The following SLC12A9 variants were observed in gnomAD, a reference collection of about 807,000 sequenced individuals.
SLC12A9 encodes solute carrier family 12 member 9, also known as CCC-interacting protein 1.
In SLC12A9, 55 loss-of-function variants were observed where a neutral mutation model predicts 66.0. That is an observed-to-expected ratio of 0.83 (90% CI 0.67 to 1.04). The LOEUF (loss-of-function observed/expected upper bound fraction) is 1.04, where lower values mean the gene tolerates loss of function less well. Ranked by LOEUF, SLC12A9 falls within the 50% of genes least tolerant of loss-of-function variation. The pLI is 0.00. For synonymous variants in SLC12A9, 577 were observed against 569.0 expected (o/e 1.01, Z -0.20); for missense variants, 1,061 against 1,241.9 (o/e 0.85, Z 2.19).
intron 13 of SLC12A9, chr7:100,865,304 C>A: frequency 6.5e-7 from 1 of 1,535,820 alleles, no homozygotes; most frequent in Non-Finnish European, 8.7e-7. Flanking sequence ...GACGCTATTA[C>A]CCTGGGGATT....
rs777752368 is a variant in SLC12A9, at chr7:100,861,869, G to T, written c.1669G>T (p.Gly557Trp). 2.2e-5 allele frequency: 35 copies of T among 1,613,308 alleles called. No homozygotes were observed. Among genetic ancestry groups the T allele is most frequent in the East Asian group, 4.5e-5 (2 of 44,882 alleles). The change falls in exon 12 of 14, where the codon GGG (glycine) becomes TGG (tryptophan). Residue 557 changes from glycine to tryptophan, a missense_variant. Coordinates refer to ENST00000354161, the MANE Select transcript of SLC12A9 (RefSeq NM_020246.4). The surrounding 1 kb of genome is among the most constrained non-coding windows in gnomAD (Gnocchi z 5.3). ...LLRLANQLKK[G>W]GLYVLGHVTL... ...GCGGTTGGCCAACCAGCTTAAGAAG[G>T]GGGGGCTGTATGTGCTGGGCCACGT...
intron 13 of SLC12A9, among the ~76,000 whole-genome samples, chr7:100,865,027 G>A (rs1028583782): frequency 2.0e-5 from 3 of 151,752 alleles, no homozygotes; most frequent in African/African-American, 4.8e-5. Context: ...GCGTGATCTC[G>A]GCTTACTACA....
At chr7:100,841,714 G>A (rs554776975) in intron 1 of SLC12A9, among the ~76,000 whole-genome samples, 6 of 151,926 alleles carry the variant, frequency 3.9e-5, no homozygotes, top group South Asian at 2.1e-4. Flanking sequence ...CATAACACAC[G>A]AATATAAAGA....
rs962399432 is a variant in SLC12A9 at position 100,862,052 on chromosome 7, C to G, written c.1711+141C>G. 3 of 847,036 alleles carry G rather than the reference C, an allele frequency of 3.5e-6. No individual in the cohort carries two copies. The African/African-American group carries it at 5.2e-5, about 15-fold the overall frequency. 52.5% of individuals were successfully genotyped at this position (847,036 alleles called of 1,614,324 possible). A position where few individuals can be genotyped will look rare whatever the true frequency, so the allele number is the denominator to read the frequency against. On this transcript the variant is annotated intron_variant, in intron 12 of 13. Transcript: ENST00000354161. Reference sequence around the variant, plus strand: ...TTGGCTCACTGCAACCTCCACCTCCCAGGTTCAAGTAATTCTCCTGCCTTA... The same window carrying G: ...TTGGCTCACTGCAACCTCCACCTCCGAGGTTCAAGTAATTCTCCTGCCTTA...
chr7:100,843,335 G>A (rs1215958350), intron 1 of SLC12A9, among the ~76,000 whole-genome samples: 2 of 152,198 alleles, frequency 1.3e-5, no homozygotes, highest in East Asian at 1.9e-4. Flanking sequence ...TCAAATAGCT[G>A]CAGGATTTGA....
intron 1 of SLC12A9, among the ~76,000 whole-genome samples, chr7:100,847,247 G>A (rs773736319): frequency 3.3e-5 from 5 of 152,184 alleles, no homozygotes; most frequent in Non-Finnish European, 7.3e-5. Flanking sequence ...TGATCCACCC[G>A]CCTTGGCCTC....
At chr7:100,841,492 CAT>C (rs1330042695) in intron 1 of SLC12A9, among the ~76,000 whole-genome samples, 6 of 152,084 alleles carry the variant, frequency 3.9e-5, no homozygotes, top group African/African-American at 1.4e-4. Context: ...TGTATGTAAA[CAT>C]ATTAGCTAAA....
chr7:100,840,706 CAA>C lies in SLC12A9; in HGVS notation n.228+13661_228+13662del, dbSNP rs578223653. Among the ~76,000 whole-genome samples the C allele has an allele frequency of 3.8e-3, 562 of 148,934 alleles. 4 individuals are homozygous for C. The highest frequency in any genetic ancestry group is 5.9e-3 in the African/African-American group (238 of 40,254). On this transcript the variant is annotated intron_variant and non_coding_transcript_variant, in intron 1 of 1. Transcript: ENST00000461016. ...GAAGAGACAGAGGCAAAAAGAAAGT[CAA>C]AGAGAGACAAAGTCAAAGAAAGAAA...
chr7:100,854,517 C>T (rs1343027145), intron 2 of SLC12A9, 103 bp from the exon 3 acceptor site: 2 of 1,596,922 alleles, frequency 1.3e-6, no homozygotes, highest in African/African-American at 1.3e-5. Context: ...GAGGGGCTCT[C>T]TGTGGGCTTG....
intron 7 of SLC12A9, 91 bp from the exon 8 acceptor site, chr7:100,859,794 G>C: frequency 6.9e-7 from 1 of 1,443,228 alleles, no homozygotes; most frequent in Non-Finnish European, 9.4e-7. Context: ...TAGCACATTT[G>C]ATATCTGAGT....
At chr7:100,848,616 G>A (rs1037145895), upstream of SLC12A9, among the ~76,000 whole-genome samples, 2 of 152,170 alleles carry the variant, frequency 1.3e-5, no homozygotes, top group African/African-American at 2.4e-5. Context: ...GTTGGGCGCA[G>A]TGGTTCACGC....
chr7:100,850,070 C>A (rs1814026282), upstream of SLC12A9, among the ~76,000 whole-genome samples: 2 of 151,600 alleles, frequency 1.3e-5, no homozygotes, highest in Admixed American at 6.6e-5. Flanking sequence ...ACAGGGTTTC[C>A]CCATTTTGGC....
chr7:100,841,661 A>C (rs1813793296), intron 1 of SLC12A9, among the ~76,000 whole-genome samples: 1 of 152,198 alleles, frequency 6.6e-6, no homozygotes, highest in Non-Finnish European at 1.5e-5. Flanking sequence ...TAAAAATTAG[A>C]TAAATATGTC....
chr7:100,864,051 C>A (rs960128644), intron 13 of SLC12A9, among the ~76,000 whole-genome samples: 1 of 149,500 alleles, frequency 6.7e-6, no homozygotes, highest in Admixed American at 6.7e-5. Context: ...GATATCAGGT[C>A]GGTGCAAAAG....
chr7:100,859,655 G>C (rs1013808084), intron 7 of SLC12A9: 2 of 540,212 alleles, frequency 3.7e-6, no homozygotes, highest in Admixed American at 3.5e-5. Flanking sequence ...AGGCTGCAGT[G>C]AGCTATGATT....
chr7:100,829,508 C>G (rs2247447), intron 1 of SLC12A9, among the ~76,000 whole-genome samples: 11 of 149,348 alleles, frequency 7.4e-5, no homozygotes, highest in South Asian at 2.2e-4. Flanking sequence ...GTCCTGCGCC[C>G]GGGTTGGGGG....
chr7:100,866,300 G>C lies in SLC12A9; in HGVS notation c.2440G>C (p.Ala814Pro). 7 of 1,519,830 alleles carry C rather than the reference G, an allele frequency of 4.6e-6. No individual in the cohort carries two copies. Among genetic ancestry groups the C allele is most frequent in the Non-Finnish European group, 5.3e-6 (6 of 1,131,810 alleles). The allele number at this position is 1,519,830 out of a possible 1,614,324, so 94.1% of individuals were successfully genotyped here. The change falls in exon 14 of 14, where the codon GCG (alanine) becomes CCG (proline). Residue 814 changes from alanine (A) to proline (P), a missense_variant. Coordinates refer to ENST00000354161, the MANE Select transcript of SLC12A9 (RefSeq NM_020246.4). The surrounding 1 kb of genome is among the most constrained non-coding windows in gnomAD (Gnocchi z 7.3). ...GGGGGCCGGGGCTGGGGAACCCGAG[G>C]CGGAGGAGGAAGGGGACTTTGTGAA... ...GEGAGAGEPE[A>P]EEEGDFVNSG... is the part of the protein sequence containing the mutation.
At chr7:100,864,393 T>A (rs891030719) in intron 13 of SLC12A9, among the ~76,000 whole-genome samples, 8 of 152,210 alleles carry the variant, frequency 5.3e-5, no homozygotes, top group African/African-American at 1.9e-4. Flanking sequence ...CAATTACTTT[T>A]GCACCAACCT....
At chr7:100,839,728 G>A (rs1472404832) in intron 1 of SLC12A9, among the ~76,000 whole-genome samples, 9 of 152,172 alleles carry the variant, frequency 5.9e-5, no homozygotes, top group Non-Finnish European at 5.9e-5. Flanking sequence ...TCTAAAACTT[G>A]GTAAGACTAG....
Sources: allele counts gnomAD v4.1 joint callset (sites outside exome capture counted in the v4.1 genomes callset), GRCh38; gene constraint gnomAD v4.1.1; non-coding constraint Gnocchi (gnomAD v3.1); transcripts MANE v1.5; gene names NCBI Gene and HGNC (gene_info 2026-07-23, HGNC 2026-07-21).